The following NBEA variants were observed in gnomAD, a reference collection of about 807,000 sequenced individuals.
NBEA encodes lysosomal-trafficking regulator 2.
A neutral mutation model predicts 343.4 loss-of-function variants in NBEA; 44 were observed. The ratio of observed to expected loss-of-function variants is 0.13; its 90% CI spans 0.10 to 0.16. NBEA has a LOEUF of 0.16. Ranked by LOEUF, NBEA falls within the 10% of genes least tolerant of loss-of-function variation. NBEA has a pLI of 1.00. For missense variants in NBEA, 2,555 were observed against 3,631.3 expected, an observed-to-expected ratio of 0.70 and a Z score of 7.62; for synonymous variants, 1,175 against 1,238.7, an observed-to-expected ratio of 0.95 and a Z score of 1.08.
chr13:35,315,692 G>A (rs2037668066), intron 36 of NBEA, among the ~76,000 whole-genome samples: 1 of 152,062 alleles, frequency 6.6e-6, no homozygotes, highest in Non-Finnish European at 1.5e-5. Context: ...TCAAGATTCT[G>A]ATTTTTTGTT....
chr13:35,221,898 G>A (rs1026510946), intron 33 of NBEA, among the ~76,000 whole-genome samples: 5 of 151,990 alleles, frequency 3.3e-5, no homozygotes, highest in East Asian at 1.9e-4. Flanking sequence ...GGAGAAGAGC[G>A]GTCCAGAAAC....
At chr13:35,012,053 T>A (rs2061507929) in intron 1 of NBEA, among the ~76,000 whole-genome samples, 1 of 152,236 alleles carries the variant, frequency 6.6e-6, no homozygotes, top group African/African-American at 2.4e-5. Flanking sequence ...GCTGCCCATG[T>A]CATACTGGAA....
At chr13:35,375,388 G>A (rs1026874320) in intron 38 of NBEA, among the ~76,000 whole-genome samples, 2 of 152,052 alleles carry the variant, frequency 1.3e-5, no homozygotes, top group Non-Finnish European at 2.9e-5. Flanking sequence ...TGATACATTG[G>A]TAAAATGAAA....
chr13:34,997,311 A>T (rs1276213486), intron 1 of NBEA, among the ~76,000 whole-genome samples: 31 of 152,194 alleles, frequency 2.0e-4, no homozygotes, highest in Admixed American at 2.0e-3. Context: ...ACTCTATAAA[A>T]GCCTAGCTGG....
chr13:35,549,449 C>T (rs1220662579), intron 41 of NBEA, among the ~76,000 whole-genome samples: 2 of 152,064 alleles, frequency 1.3e-5, no homozygotes, highest in Non-Finnish European at 2.9e-5. Context: ...ATTGTTAATA[C>T]ACGTTGGTGT....
At chr13:35,223,806 T>G (rs2074505136) in intron 33 of NBEA, among the ~76,000 whole-genome samples, 1 of 152,174 alleles carries the variant, frequency 6.6e-6, no homozygotes, top group Non-Finnish European at 1.5e-5. Context: ...ACTGATTTAT[T>G]AATTATATCA....
At chr13:35,252,675 C>T (rs985142393) in intron 34 of NBEA, among the ~76,000 whole-genome samples, 1 of 151,936 alleles carries the variant, frequency 6.6e-6, no homozygotes, top group Non-Finnish European at 1.5e-5. Flanking sequence ...ACTAGCTGTC[C>T]CTGCACAGAT....
chr13:35,404,223 T>C (rs1295889864), intron 38 of NBEA, among the ~76,000 whole-genome samples: 7 of 152,054 alleles, frequency 4.6e-5, no homozygotes, highest in Non-Finnish European at 8.8e-5. Flanking sequence ...GAACTAGAAA[T>C]ACCATTTGAC....
intron 27 of NBEA, among the ~76,000 whole-genome samples, chr13:35,176,356 A>G (rs1231894925): frequency 6.6e-6 from 1 of 152,048 alleles, no homozygotes; most frequent in Non-Finnish European, 1.5e-5. Context: ...TAATCCATAC[A>G]ATTTTTAACA....
At chr13:34,973,347 AC>A (rs1308508869) in intron 1 of NBEA, among the ~76,000 whole-genome samples, 1 of 150,518 alleles carries the variant, frequency 6.6e-6, no homozygotes, top group Non-Finnish European at 1.5e-5. Flanking sequence ...CTGGGGTACC[AC>A]TTCTGCCTCT....
intron 1 of NBEA, among the ~76,000 whole-genome samples, chr13:34,979,680 C>CT (rs1381902325): frequency 6.6e-6 from 1 of 151,870 alleles, no homozygotes. Context: ...TGTATATTTT[C>CT]TTTTTACTTA....
chr13:34,965,621 G>C (rs1178773549), intron 1 of NBEA, among the ~76,000 whole-genome samples: 1 of 151,804 alleles, frequency 6.6e-6, no homozygotes, highest in Non-Finnish European at 1.5e-5. Flanking sequence ...ATATTCTTTA[G>C]ATTTAGCTTC....
chr13:34,989,548 G>T (rs2060675949), intron 1 of NBEA, among the ~76,000 whole-genome samples: 1 of 150,714 alleles, frequency 6.6e-6, no homozygotes, highest in African/African-American at 2.4e-5. Flanking sequence ...CCGCAAAGGG[G>T]AAGTCTGCCT....
intron 1 of NBEA, among the ~76,000 whole-genome samples, chr13:35,027,343 T>C (rs984738312): frequency 6.6e-6 from 1 of 152,198 alleles, no homozygotes; most frequent in East Asian, 1.9e-4. Flanking sequence ...AGAGTGATTG[T>C]ACCATTTTAT....
intron 34 of NBEA, among the ~76,000 whole-genome samples, chr13:35,243,282 G>GA (rs2030633565): frequency 6.6e-6 from 1 of 151,704 alleles, no homozygotes; most frequent in Non-Finnish European, 1.5e-5. Context: ...GAAATTACAC[G>GA]AAAGAACAAG....
chr13:35,130,862 AAT>A (rs763293229), intron 17 of NBEA, among the ~76,000 whole-genome samples: 1 of 152,018 alleles, frequency 6.6e-6, no homozygotes, highest in Non-Finnish European at 1.5e-5. Flanking sequence ...AGAAAATAGA[AAT>A]ATATATATCT....
intron 18 of NBEA, among the ~76,000 whole-genome samples, chr13:35,148,475 G>T (rs1027770222): frequency 3.3e-5 from 5 of 152,058 alleles, no homozygotes; most frequent in Non-Finnish European, 7.4e-5. Flanking sequence ...ACTCCCCTCT[G>T]TTGTTCTTTT....
At chr13:35,469,660 T>C (rs2075555405) in intron 40 of NBEA, among the ~76,000 whole-genome samples, 1 of 152,192 alleles carries the variant, frequency 6.6e-6, no homozygotes, top group Admixed American at 6.5e-5. Flanking sequence ...TATTCTTTTA[T>C]TGCTATAGTA....
At chr13:35,511,213 G>A (rs1461979) in intron 41 of NBEA, among the ~76,000 whole-genome samples, 129,163 of 152,154 alleles carry the variant, frequency 0.85, 55,009 homozygotes, top group Admixed American at 0.88. Context: ...CACATAGTCA[G>A]CCTGCAATTG....
Sources: gnomAD v4.1 joint callset for allele counts (sites outside exome capture counted in the v4.1 genomes callset) on GRCh38, gnomAD v4.1.1 for gene constraint, MANE v1.5 for transcripts, NCBI Gene and HGNC (gene_info 2026-07-23, HGNC 2026-07-21) for gene names.